The following SCMH1 variants were observed in gnomAD, a reference collection of about 807,000 sequenced individuals.
The protein encoded by SCMH1 is Scm polycomb group protein homolog 1.
SCMH1 carries 37 observed loss-of-function variants against 70.8 expected under a neutral mutation model. That is an observed-to-expected ratio of 0.52 (90% confidence interval 0.40 to 0.69). SCMH1 has a LOEUF of 0.69. Among genes scored for constraint, SCMH1 ranks in the 30% least tolerant of loss-of-function variants. The pLI, the probability that SCMH1 is intolerant of heterozygous loss-of-function variation, is 0.00. For synonymous variants in SCMH1, 292 were observed against 307.4 expected, an observed-to-expected ratio of 0.95 and a Z score of 0.52; for missense variants, 607 against 827.3, an observed-to-expected ratio of 0.73 and a Z score of 3.27.
chr1:41,082,045 T>C (rs990317367), intron 8 of SCMH1, among the ~76,000 whole-genome samples: 1 of 152,098 alleles, frequency 6.6e-6, no homozygotes, highest in Admixed American at 6.6e-5. Flanking sequence ...TCACACCAGA[T>C]ACAAAAATTA....
chr1:41,173,192 T>C (rs1557733858), intron 2 of SCMH1, among the ~76,000 whole-genome samples: 1 of 151,988 alleles, frequency 6.6e-6, no homozygotes, highest in African/African-American at 2.4e-5. Context: ...AAGCTATTAA[T>C]CCAATAAGGG....
chr1:41,063,238 C>G (rs1653384066), intron 10 of SCMH1, among the ~76,000 whole-genome samples: 1 of 152,128 alleles, frequency 6.6e-6, no homozygotes, highest in Non-Finnish European at 1.5e-5. Context: ...CTTTGGGAGG[C>G]TGAGGCGGGC....
intron 9 of SCMH1, among the ~76,000 whole-genome samples, chr1:41,071,847 G>T (rs1021051909): frequency 3.3e-5 from 5 of 152,040 alleles, no homozygotes; most frequent in African/African-American, 4.8e-5. Context: ...ATTTTTTGTA[G>T]AGATGAGGTC....
chr1:41,124,965 A>G (rs2147999855), intron 6 of SCMH1, among the ~76,000 whole-genome samples: 1 of 152,290 alleles, frequency 6.6e-6, no homozygotes, highest in African/African-American at 2.4e-5. Context: ...GCAATACTGC[A>G]GGAGGCACAT....
chr1:41,142,759 G>C (rs1644216475), intron 6 of SCMH1, 119 bp downstream of exon 6: 2 of 790,688 alleles, frequency 2.5e-6, no homozygotes, highest in Admixed American at 2.7e-5. Flanking sequence ...CTTTTTAGGA[G>C]ACTATATGAA....
intron 4 of SCMH1, among the ~76,000 whole-genome samples, chr1:41,157,630 G>C (rs749788581): frequency 6.6e-6 from 1 of 152,184 alleles, no homozygotes; most frequent in African/African-American, 2.4e-5. Flanking sequence ...GGATTTGGGA[G>C]GCTTCACAGA....
intron 1 of SCMH1, among the ~76,000 whole-genome samples, chr1:41,220,178 C>A (rs1288288781): frequency 1.3e-5 from 2 of 152,172 alleles, no homozygotes; most frequent in African/African-American, 4.8e-5. Flanking sequence ...TATTTGCTCA[C>A]GCAAGGCAAG....
At chr1:41,098,951 GACA>G (rs1421429457) in intron 8 of SCMH1, 1 of 269,004 alleles carries the variant, frequency 3.7e-6, no homozygotes, top group Non-Finnish European at 7.2e-6. Flanking sequence ...GAAGATAGAA[GACA>G]ACAACACACT....
At chr1:41,080,631 C>T (rs559974487) in intron 8 of SCMH1, among the ~76,000 whole-genome samples, 13 of 152,054 alleles carry the variant, frequency 8.5e-5, no homozygotes, top group East Asian at 7.7e-4. Flanking sequence ...AAATACAATC[C>T]GCTGAACACA....
At chr1:41,236,414 T>G (rs1662389248) in intron 1 of SCMH1, among the ~76,000 whole-genome samples, 2 of 151,848 alleles carry the variant, frequency 1.3e-5, no homozygotes, top group South Asian at 2.1e-4. Flanking sequence ...CAAAAAGACA[T>G]CCAATAAAAT....
chr1:41,031,454 C>A (rs930568625), intron 13 of SCMH1, among the ~76,000 whole-genome samples: 1 of 152,172 alleles, frequency 6.6e-6, no homozygotes, highest in African/African-American at 2.4e-5. Context: ...TCAAAGTACA[C>A]TTTGTCTGGC....
rs115926056 is a variant in SCMH1, at chr1:41,232,112, G to A, written c.-118+9947C>T. 9.9e-5 allele frequency among the ~76,000 whole-genome samples: 15 copies of A among 152,168 alleles called. 1 individual carries two copies. The highest frequency in any genetic ancestry group is 3.6e-4 in the African/African-American group (15 of 41,512). On this transcript the variant is annotated intron_variant, in intron 1 of 14. Coordinates refer to ENST00000337495, the Ensembl canonical transcript of SCMH1. ...GATTAGACTCAGGTTATGGCTTTTG[G>A]GGAGGAAGAGATCTTAGGTAAAGTT...
At chr1:41,110,402 A>G (rs937937890) in intron 8 of SCMH1, among the ~76,000 whole-genome samples, 1 of 152,170 alleles carries the variant, frequency 6.6e-6, no homozygotes, top group South Asian at 2.1e-4. Flanking sequence ...CCTAATTTTA[A>G]AACATTTTCA....
At chr1:41,181,025 G>C (rs1218271581) in intron 2 of SCMH1, among the ~76,000 whole-genome samples, 1 of 152,136 alleles carries the variant, frequency 6.6e-6, no homozygotes, top group East Asian at 1.9e-4. Flanking sequence ...ACAGAATAGA[G>C]CCCTCAGAAA....
intron 2 of SCMH1, among the ~76,000 whole-genome samples, chr1:41,179,808 C>T (rs1347265473): frequency 1.3e-5 from 2 of 152,208 alleles, no homozygotes; most frequent in Non-Finnish European, 2.9e-5. Flanking sequence ...GGTACCATTC[C>T]TTCTGAAACT....
intron 10 of SCMH1, among the ~76,000 whole-genome samples, chr1:41,054,426 G>C (rs1649466374): frequency 6.6e-6 from 1 of 152,092 alleles, no homozygotes; most frequent in Non-Finnish European, 1.5e-5. Flanking sequence ...CCCAGGACTT[G>C]CAGAATTTAC....
At position 41,098,217 on chromosome 1, in the gene SCMH1, T is replaced by A. The variant is rs56109130; in HGVS notation, c.745+15066A>T. Among the ~76,000 whole-genome samples, 1,017 of 152,320 alleles carry A rather than the reference T, an allele frequency of 6.7e-3. 14 individuals carry two copies. The highest frequency in any genetic ancestry group is 0.024 in the African/African-American group (978 of 41,564). ...CAAGCACCTGCTTCTGTAATACACA[T>A]AAACTGAAACTTTTAAATACTACTT... On this transcript the variant is annotated intron_variant, in intron 8 of 14. Coordinates refer to ENST00000337495, the Ensembl canonical transcript of SCMH1.
At chr1:41,089,721 C>T (rs1304094617) in intron 8 of SCMH1, among the ~76,000 whole-genome samples, 1 of 149,736 alleles carries the variant, frequency 6.7e-6, no homozygotes, top group Non-Finnish European at 1.5e-5. Context: ...GATCTGATTC[C>T]TCATTATTTT....
chr1:41,039,259 T>A, intron 12 of SCMH1, among the ~76,000 whole-genome samples: 1 of 151,944 alleles, frequency 6.6e-6, no homozygotes, highest in South Asian at 2.1e-4. Flanking sequence ...ATGCAAACCA[T>A]TGAGTGTCTC....
Sources: gnomAD v4.1 joint callset for allele counts (sites outside exome capture counted in the v4.1 genomes callset) on GRCh38, gnomAD v4.1.1 for gene constraint, MANE v1.5 for transcripts, NCBI Gene and HGNC (gene_info 2026-07-23, HGNC 2026-07-21) for gene names.